The following ADAMTSL1 variants were observed in gnomAD, a reference collection of about 807,000 sequenced individuals.
ADAMTSL1 encodes the protein ADAMTS-like protein 1.
ADAMTSL1 carries 126 observed loss-of-function variants against 201.8 expected under a neutral mutation model. The ratio of observed to expected loss-of-function variants is 0.62; its 90% CI spans 0.54 to 0.72. The LOEUF is 0.72. Among genes scored for constraint, ADAMTSL1 ranks in the 30% least tolerant of loss-of-function variants. ADAMTSL1 has a pLI of 0.00. For missense variants in ADAMTSL1, 2,679 were observed against 2,277.8 expected (o/e 1.18, Z -3.59); for synonymous variants, 1,121 against 903.4 (o/e 1.24, Z -4.32).
intron 7 of ADAMTSL1, among the ~76,000 whole-genome samples, chr9:18,650,944 A>G (rs1241684697): frequency 6.6e-6 from 1 of 152,234 alleles, no homozygotes; most frequent in Non-Finnish European, 1.5e-5. Context: ...GAGGGATTAA[A>G]TGAGATAATG....
chr9:18,183,290 T>C (rs1044778586), intron 2 of ADAMTSL1, among the ~76,000 whole-genome samples: 1 of 152,140 alleles, frequency 6.6e-6, no homozygotes, highest in African/African-American at 2.4e-5. Context: ...GAAGATAACA[T>C]GGGAGAAAAC....
chr9:18,273,464 C>T (rs1378553005), intron 2 of ADAMTSL1, among the ~76,000 whole-genome samples: 1 of 152,182 alleles, frequency 6.6e-6, no homozygotes, highest in Admixed American at 6.5e-5. Flanking sequence ...TTTATGTTCT[C>T]ACAAAAATTA....
chr9:18,075,289 G>A (rs1024598945), intron 1 of ADAMTSL1, among the ~76,000 whole-genome samples: 8 of 152,304 alleles, frequency 5.3e-5, no homozygotes, highest in Admixed American at 2.6e-4. Context: ...ACATAAAGAA[G>A]TGTGTATGGT....
chr9:18,288,079 G>A (rs183837147), intron 2 of ADAMTSL1, among the ~76,000 whole-genome samples: 202 of 152,252 alleles, frequency 1.3e-3, no homozygotes, highest in African/African-American at 4.2e-3. Flanking sequence ...GGAGAGAGAG[G>A]ATGACAAACC....
At position 18,661,915 on chromosome 9, in the gene ADAMTSL1, T is replaced by C. The variant is rs1483946853; in HGVS notation, c.947-20T>C. 6 of 1,607,426 alleles carry C rather than the reference T, an allele frequency of 3.7e-6. No homozygotes were observed. Among genetic ancestry groups the C allele is most frequent in the Non-Finnish European group, 5.1e-6 (6 of 1,177,588 alleles). ...ATTGGCATGTACATTTAAACTTGCC[T>C]GGATGGTTTGATACTACAGGTTATC... On this transcript the variant is annotated intron_variant, in intron 8 of 28. Coordinates refer to ENST00000380548, the MANE Select transcript of ADAMTSL1 (RefSeq NM_001040272.6).
intron 2 of ADAMTSL1, among the ~76,000 whole-genome samples, chr9:18,422,917 G>A (rs1034674893): frequency 3.9e-5 from 6 of 152,184 alleles, no homozygotes; most frequent in Non-Finnish European, 8.8e-5. Context: ...CTTTCTCACA[G>A]TTGACAATAA....
At chr9:18,790,323 T>C (rs1197269859) in intron 19 of ADAMTSL1, among the ~76,000 whole-genome samples, 5 of 152,064 alleles carry the variant, frequency 3.3e-5, no homozygotes, top group African/African-American at 9.7e-5. Flanking sequence ...TGGTTCCAAT[T>C]TGGGAAGTCT....
At chr9:18,710,671 G>GTTTTTTTTTT (rs1218055587) in intron 14 of ADAMTSL1, among the ~76,000 whole-genome samples, 2 of 97,182 alleles carry the variant, frequency 2.1e-5, no homozygotes, top group African/African-American at 7.6e-5. Context: ...GTTTTGTTTT[G>GTTTTTTTTTT]TTTTTTTTTT....
intron 9 of ADAMTSL1, among the ~76,000 whole-genome samples, chr9:18,668,093 T>A (rs1056386430): frequency 7.4e-5 from 11 of 148,202 alleles, no homozygotes; most frequent in Non-Finnish European, 1.3e-4. Flanking sequence ...AATTACTGTA[T>A]AATGAAATGT....
At chr9:18,317,840 A>G (rs927776305) in intron 2 of ADAMTSL1, among the ~76,000 whole-genome samples, 2 of 152,206 alleles carry the variant, frequency 1.3e-5, no homozygotes, top group Non-Finnish European at 2.9e-5. Flanking sequence ...AAACTTCCTG[A>G]GGGCAAACAC....
intron 16 of ADAMTSL1, among the ~76,000 whole-genome samples, chr9:18,756,089 A>G (rs1377977327): frequency 4.4e-5 from 1 of 22,804 alleles, no homozygotes; most frequent in Non-Finnish European, 8.0e-5. Flanking sequence ...ATATATATAT[A>G]TATATATATA....
chr9:18,770,429 A>T (rs1231294714), intron 16 of ADAMTSL1, among the ~76,000 whole-genome samples, 173 bp from the exon 17 acceptor site: 1 of 151,454 alleles, frequency 6.6e-6, no homozygotes, highest in Non-Finnish European at 1.5e-5. Flanking sequence ...ATCTTGCTAC[A>T]AAATTCATCT....
chr9:17,949,558 C>G (rs959982147), intron 1 of ADAMTSL1, among the ~76,000 whole-genome samples: 1 of 152,112 alleles, frequency 6.6e-6, no homozygotes, highest in East Asian at 1.9e-4. Context: ...TAACTGAGAC[C>G]GTCATTTTGT....
intron 2 of ADAMTSL1, among the ~76,000 whole-genome samples, chr9:18,426,805 A>G (rs1481955774): frequency 2.0e-5 from 3 of 152,210 alleles, no homozygotes; most frequent in Non-Finnish European, 4.4e-5. Flanking sequence ...AAATCTTTCT[A>G]AATTTTTATG....
chr9:18,532,338 C>G (rs1819494941), intron 2 of ADAMTSL1, among the ~76,000 whole-genome samples: 1 of 152,054 alleles, frequency 6.6e-6, no homozygotes, highest in Non-Finnish European at 1.5e-5. Context: ...TCCCTTTAGT[C>G]TAGTAATTCT....
chr9:17,934,057 C>A (rs1439474111), intron 1 of ADAMTSL1, among the ~76,000 whole-genome samples: 15 of 152,154 alleles, frequency 9.9e-5, no homozygotes, highest in Non-Finnish European at 2.1e-4. Flanking sequence ...GTGGGAATGA[C>A]TTTGATATTG....
intron 1 of ADAMTSL1, among the ~76,000 whole-genome samples, chr9:17,931,977 C>T (rs1826813201): frequency 6.6e-6 from 1 of 152,184 alleles, no homozygotes; most frequent in Admixed American, 6.5e-5. Context: ...AATGTAGAGG[C>T]TGTGTGGAAA....
chr9:18,524,731 G>A (rs1373747497), intron 2 of ADAMTSL1, among the ~76,000 whole-genome samples: 1 of 152,074 alleles, frequency 6.6e-6, no homozygotes, highest in Non-Finnish European at 1.5e-5. Context: ...CTGTTTATAT[G>A]CTGGATTACG....
At chr9:17,972,739 A>G (rs1348231403) in intron 1 of ADAMTSL1, among the ~76,000 whole-genome samples, 1 of 149,806 alleles carries the variant, frequency 6.7e-6, no homozygotes, top group Non-Finnish European at 1.5e-5. Flanking sequence ...GAATTGCCAC[A>G]CTGACTTCCA....
Sources: allele counts gnomAD v4.1 joint callset (sites outside exome capture counted in the v4.1 genomes callset), GRCh38; gene constraint gnomAD v4.1.1; transcripts MANE v1.5; gene names NCBI Gene and HGNC (gene_info 2026-07-23, HGNC 2026-07-21).